CTBP2: variants seen among roughly 807,000 people sequenced by gnomAD.
CTBP2 encodes C-terminal binding protein 2, also known as C-terminal-binding protein 2.
A neutral mutation model predicts 80.3 loss-of-function variants in CTBP2; 30 were observed. The ratio of observed to expected loss-of-function variants is 0.37; its 90% CI spans 0.28 to 0.51. The LOEUF (loss-of-function observed/expected upper bound fraction) is 0.51, where lower values mean the gene tolerates loss of function less well. Ranked by LOEUF, CTBP2 falls within the 20% of genes least tolerant of loss-of-function variation. The pLI is 0.93. For missense variants in CTBP2, 1,212 were observed against 1,375.3 expected (o/e 0.88, Z 1.88); for synonymous variants, 594 against 587.4 (o/e 1.01, Z -0.16).
chr10:125,116,812 C>T (rs1853394744), intron 1 of CTBP2, among the ~76,000 whole-genome samples: 1 of 152,200 alleles, frequency 6.6e-6, no homozygotes, highest in Admixed American at 6.5e-5. Context: ...CAGATCCTCC[C>T]AACGATTTCA....
At chr10:125,130,951 C>T (rs1856073333) in intron 1 of CTBP2, among the ~76,000 whole-genome samples, 1 of 152,212 alleles carries the variant, frequency 6.6e-6, no homozygotes, top group Non-Finnish European at 1.5e-5. Flanking sequence ...ATCTCAAATA[C>T]GATGTGTGTT....
chr10:125,082,023 G>A (rs1302691373), intron 2 of CTBP2, among the ~76,000 whole-genome samples: 14 of 152,152 alleles, frequency 9.2e-5, no homozygotes, highest in Admixed American at 9.2e-4. Flanking sequence ...GCTGCTGTGT[G>A]CCAGAGAATT....
At chr10:125,161,693 A>G (rs542920165), upstream of CTBP2, among the ~76,000 whole-genome samples, 2 of 151,880 alleles carry the variant, frequency 1.3e-5, no homozygotes, top group East Asian at 3.9e-4. Context: ...CCCTAAAAGA[A>G]GCAAAACATT....
chr10:125,003,234 G>C (rs990260929), intron 2 of CTBP2, 104 bp downstream of exon 4: 16 of 1,580,818 alleles, frequency 1.0e-5, no homozygotes, highest in Non-Finnish European at 1.4e-5. Flanking sequence ...CAGGGAACAG[G>C]GGTTCTGGGG....
At chr10:125,108,390 C>T (rs75248860) in intron 2 of CTBP2, among the ~76,000 whole-genome samples, 4,804 of 152,290 alleles carry the variant, frequency 0.032, 249 homozygotes, top group African/African-American at 0.11. Context: ...TTCACCATTA[C>T]CTCTGATGGT....
intron 1 of CTBP2, among the ~76,000 whole-genome samples, chr10:125,017,899 T>C (rs1217277976): frequency 3.3e-5 from 5 of 152,156 alleles, no homozygotes; most frequent in African/African-American, 1.2e-4. Flanking sequence ...ATCACCCCAG[T>C]GTTACCCATG....
intron 2 of CTBP2, among the ~76,000 whole-genome samples, chr10:125,101,961 T>C (rs1466088444): frequency 6.6e-6 from 1 of 152,216 alleles, no homozygotes; most frequent in East Asian, 1.9e-4. Context: ...ATGCACATTG[T>C]ACCCACCAAG....
intron 2 of CTBP2, among the ~76,000 whole-genome samples, chr10:125,085,409 C>T (rs1394319699): frequency 6.6e-6 from 1 of 152,300 alleles, no homozygotes; most frequent in East Asian, 1.9e-4. Context: ...TCTGTAATGA[C>T]AATGAAAGAA....
intron 2 of CTBP2, among the ~76,000 whole-genome samples, chr10:125,040,454 TAAAAA>T (rs747855375): frequency 9.6e-5 from 10 of 104,434 alleles, no homozygotes; most frequent in Middle Eastern, 6.0e-3. Context: ...ACTCTGTCTT[TAAAAA>T]AAAAAAAAAA....
intron 2 of CTBP2, among the ~76,000 whole-genome samples, chr10:125,077,711 C>T (rs1401316755): frequency 6.6e-6 from 1 of 152,202 alleles, no homozygotes; most frequent in South Asian, 2.1e-4. Context: ...GAAGAAATCA[C>T]CCATGAAAAA....
chr10:125,062,359 G>T (rs1458348620), intron 2 of CTBP2, among the ~76,000 whole-genome samples: 1 of 152,176 alleles, frequency 6.6e-6, no homozygotes, highest in East Asian at 1.9e-4. Flanking sequence ...GCCTAGTAGG[G>T]TGTGTCTGTA....
intron 1 of CTBP2, among the ~76,000 whole-genome samples, chr10:125,116,429 C>T (rs1853306029): frequency 6.6e-6 from 1 of 152,132 alleles, no homozygotes; most frequent in African/African-American, 2.4e-5. Context: ...AAATGTCCCA[C>T]CCTTCTCCCC....
Position 124,994,667 on chromosome 10 carries a change from C to T in CTBP2, c.2202G>A (p.Ala734=), listed in dbSNP as rs150354978. Residue 734 remains alanine, a synonymous_variant, in exon 5 of 9, where the codon GCG becomes GCA. Transcript: ENST00000309035. Reference sequence around the variant, plus strand: ...CAAAGGCCTTGGCTCGAACTGCAACCGCCTGCCCCGTGCGACCTGTACAGA... The same window carrying T: ...CAAAGGCCTTGGCTCGAACTGCAACTGCCTGCCCCGTGCGACCTGTACAGA... 388 of 1,614,198 alleles carry T rather than the reference C, an allele frequency of 2.4e-4. No homozygotes were observed. The African/African-American group carries it at 3.8e-3, about 16-fold the overall frequency.
At chr10:125,061,882 C>T (rs1965036876) in intron 2 of CTBP2, among the ~76,000 whole-genome samples, 1 of 152,202 alleles carries the variant, frequency 6.6e-6, no homozygotes, top group African/African-American at 2.4e-5. Context: ...CATGAATTCA[C>T]TCATTCCTCC....
intron 1 of CTBP2, among the ~76,000 whole-genome samples, chr10:125,007,261 T>C (rs1590029005): frequency 6.6e-6 from 1 of 152,248 alleles, no homozygotes; most frequent in African/African-American, 2.4e-5. Context: ...TCAATTACTA[T>C]CTGGTTTCAG....
intron 1 of CTBP2, among the ~76,000 whole-genome samples, chr10:125,126,906 C>T (rs1026587543): frequency 1.3e-5 from 2 of 149,020 alleles, no homozygotes; most frequent in African/African-American, 5.0e-5. Flanking sequence ...GCACCACACA[C>T]GTGCATACAC....
At chr10:125,077,547 C>T (rs1412593279) in intron 2 of CTBP2, among the ~76,000 whole-genome samples, 1 of 152,194 alleles carries the variant, frequency 6.6e-6, no homozygotes, top group African/African-American at 2.4e-5. Context: ...CAATAGTAAT[C>T]GGTGTGGTTC....
intron 1 of CTBP2, among the ~76,000 whole-genome samples, chr10:125,142,014 G>A (rs1396564620): frequency 1.3e-5 from 2 of 152,208 alleles, no homozygotes; most frequent in East Asian, 1.9e-4. Flanking sequence ...GTGGGACACA[G>A]TGTGGAGAGG....
At chr10:125,157,532 G>A (rs1331446967) in intron 1 of CTBP2, among the ~76,000 whole-genome samples, 3 of 151,940 alleles carry the variant, frequency 2.0e-5, no homozygotes, top group Non-Finnish European at 4.4e-5. Flanking sequence ...TCTAATAACT[G>A]CTTTCCACAG....
Sources: allele counts gnomAD v4.1 joint callset (sites outside exome capture counted in the v4.1 genomes callset), GRCh38; gene constraint gnomAD v4.1.1; transcripts MANE v1.5; gene names NCBI Gene and HGNC (gene_info 2026-07-23, HGNC 2026-07-21).